The following TPO variants were observed in gnomAD, a reference collection of about 807,000 sequenced individuals.
TPO encodes thyroid microsomal antigen.
A neutral mutation model predicts 96.9 loss-of-function variants in TPO; 78 were observed. The ratio of observed to expected loss-of-function variants is 0.81; its 90% CI spans 0.67 to 0.97. The LOEUF (loss-of-function observed/expected upper bound fraction) is 0.97, where lower values mean the gene tolerates loss of function less well. TPO is among the 50% of genes least tolerant of loss of function. The pLI is 0.00. For synonymous variants in TPO, 547 were observed against 538.0 expected, an observed-to-expected ratio of 1.02 and a Z score of -0.23; for missense variants, 1,252 against 1,274.8, an observed-to-expected ratio of 0.98 and a Z score of 0.27.
intron 1 of TPO, among the ~76,000 whole-genome samples, chr2:1,405,595 C>G (rs1662239275): frequency 6.6e-6 from 1 of 152,144 alleles, no homozygotes. Flanking sequence ...TTTTATCTCC[C>G]CCAGAACATT....
At chr2:1,469,863 G>A (rs1031070394) in intron 7 of TPO, among the ~76,000 whole-genome samples, 4 of 152,146 alleles carry the variant, frequency 2.6e-5, no homozygotes, top group Admixed American at 6.5e-5. Flanking sequence ...GAGGGTCTGC[G>A]GTTTCTCTTG....
intron 15 of TPO, among the ~76,000 whole-genome samples, chr2:1,531,210 C>G (rs1309535934): frequency 8.8e-6 from 1 of 114,156 alleles, no homozygotes; most frequent in Non-Finnish European, 1.7e-5. Context: ...CTGTCTGCAA[C>G]CACCCCAAAT....
chr2:1,505,349 A>G (rs1192474034), intron 14 of TPO, among the ~76,000 whole-genome samples: 1 of 143,490 alleles, frequency 7.0e-6, no homozygotes, highest in Non-Finnish European at 1.5e-5. Flanking sequence ...AGCTTGTGTC[A>G]GGCACACACC....
chr2:1,412,590 T>G (rs917822611), upstream of TPO, among the ~76,000 whole-genome samples: 1 of 151,728 alleles, frequency 6.6e-6, no homozygotes, highest in Non-Finnish European at 1.5e-5. Flanking sequence ...AGATTAATGT[T>G]CTGAAGCCTT....
rs116040513 is a variant in TPO at position 1,484,121 on chromosome 2, A to G, written c.1339-475A>G. ...TAATTCTCCTGGGACCATGTATCAA[A>G]TCGTAATTTCCAGGCCCTGTGATTG... On this transcript the variant is annotated intron_variant, in intron 8 of 16. Transcript: ENST00000329066. 5.7e-3 allele frequency among the ~76,000 whole-genome samples: 872 copies of G among 152,340 alleles called. 7 individuals carry two copies. Among genetic ancestry groups the G allele is most frequent in the African/African-American group, 0.02 (830 of 41,568 alleles).
chr2:1,516,610 G>A (rs982985389), intron 14 of TPO, among the ~76,000 whole-genome samples: 1 of 152,178 alleles, frequency 6.6e-6, no homozygotes, highest in East Asian at 1.9e-4. Flanking sequence ...TGCAGGACGC[G>A]TCCATGCCGA....
chr2:1,378,900 G>C (rs1355346878), intron 1 of TPO, among the ~76,000 whole-genome samples: 3 of 152,104 alleles, frequency 2.0e-5, no homozygotes, highest in Admixed American at 2.0e-4. Flanking sequence ...AAGTTGTTCT[G>C]CTCCTCTCAA....
intron 15 of TPO, among the ~76,000 whole-genome samples, chr2:1,526,825 C>A (rs1676636360): frequency 7.7e-6 from 1 of 130,660 alleles, no homozygotes; most frequent in Middle Eastern, 4.4e-3. Flanking sequence ...ATCTATGCAA[C>A]CTCCCCAAAT....
chr2:1,413,537 G>C lies in TPO; in HGVS notation c.-10G>C, dbSNP rs531273408. The C allele has an allele frequency of 4.3e-5, 18 of 416,688 alleles. No homozygotes were observed. The South Asian group carries it at 1.7e-3, about 39-fold the overall frequency. The allele number at this position is 416,688 out of a possible 1,614,324, so 25.8% of individuals were successfully genotyped here. ...TCAGCAGTGCAGTTGGCTGAGAAGA[G>C]GAAAAAAGGTCAGGTTGTAAAGCTT... On this transcript the variant is annotated 5_prime_UTR_variant, in exon 1 of 17. Transcript: ENST00000329066.
chr2:1,503,797 C>A, intron 13 of TPO, 151 bp from the exon 14 acceptor site: 2 of 1,411,236 alleles, frequency 1.4e-6, no homozygotes, highest in Non-Finnish European at 2.0e-6. Flanking sequence ...GTGCCGGGAG[C>A]AGGGGGCGGC....
chr2:1,465,630 A>G (rs866166058), intron 7 of TPO, among the ~76,000 whole-genome samples: 12 of 151,738 alleles, frequency 7.9e-5, no homozygotes, highest in South Asian at 2.1e-4. Context: ...GGTTAGGTAT[A>G]TTTCTAAGTA....
chr2:1,401,630 C>G (rs1427891920), intron 1 of TPO, among the ~76,000 whole-genome samples: 1 of 152,120 alleles, frequency 6.6e-6, no homozygotes, highest in African/African-American at 2.4e-5. Flanking sequence ...CTGAGCTTCT[C>G]CCTCTGCCCA....
chr2:1,493,210 G>T lies in TPO; in HGVS notation c.1769-592G>T, dbSNP rs528877276. ...TTTGTGTGTGTGTGTGTGAGTGGGT[G>T]GGGGGGGGGGTGCTGGCTTCTGTGT... is the stretch of plus-strand genomic sequence containing the variant. On this transcript the variant is annotated intron_variant, in intron 10 of 16. Transcript: ENST00000329066. 5.8e-4 allele frequency among the ~76,000 whole-genome samples: 38 copies of T among 65,282 alleles called. 1 individual carries two copies. The highest frequency in any genetic ancestry group is 3.0e-3 in the East Asian group (7 of 2,300). 42.8% of individuals were successfully genotyped at this position (65,282 alleles called of 152,430 possible).
chr2:1,426,749 T>G (rs941000473), intron 3 of TPO, among the ~76,000 whole-genome samples: 7 of 152,360 alleles, frequency 4.6e-5, no homozygotes, highest in African/African-American at 1.7e-4. Flanking sequence ...ACATGATGGT[T>G]TGTTGGTTGG....
At chr2:1,480,365 G>A (rs545576657) in intron 8 of TPO, among the ~76,000 whole-genome samples, 30 of 151,972 alleles carry the variant, frequency 2.0e-4, no homozygotes, top group African/African-American at 6.0e-4. Flanking sequence ...ACTTCTAGCC[G>A]TATTTGAAAG....
chr2:1,386,664 C>G (rs529983024), intron 1 of TPO, among the ~76,000 whole-genome samples: 32 of 152,230 alleles, frequency 2.1e-4, no homozygotes, highest in African/African-American at 7.7e-4. Context: ...ACTCTTTATC[C>G]AATTTGCCAG....
chr2:1,477,302 G>T lies in TPO; in HGVS notation c.1036G>T (p.Ala346Ser). Residue 346 changes from alanine (A) to serine (S), a missense_variant, in exon 8 of 17, where the codon GCC becomes TCC. By Grantham distance (99) the Ala-to-Ser change is moderately conservative (BLOSUM62 1). Transcript: ENST00000329066. ...LERQLRNWTS[A>S]EGLLRVHARL... is the part of the protein sequence containing the mutation. The stretch of plus-strand genomic sequence containing the variant: ...GAGGCAGCTGCGGAACTGGACCAGT[G>T]CCGAAGGGCTGCTCCGCGTCCACGC... The T allele has an allele frequency of 6.3e-7, 1 of 1,585,776 alleles. No homozygotes were observed.
intron 5 of TPO, among the ~76,000 whole-genome samples, chr2:1,440,551 G>T (rs1666066016): frequency 6.6e-6 from 1 of 152,210 alleles, no homozygotes; most frequent in East Asian, 1.9e-4. Context: ...GAAGGGGGCA[G>T]GCTGCTTCTC....
At chr2:1,539,449 C>T (rs979802979) in intron 15 of TPO, among the ~76,000 whole-genome samples, 4 of 152,136 alleles carry the variant, frequency 2.6e-5, no homozygotes, top group Admixed American at 6.5e-5. Flanking sequence ...CTAATGACAC[C>T]GTCACAAGCA....
Sources: gnomAD v4.1 joint callset for allele counts (sites outside exome capture counted in the v4.1 genomes callset) on GRCh38, gnomAD v4.1.1 for gene constraint, MANE v1.5 for transcripts, NCBI Gene and HGNC (gene_info 2026-07-23, HGNC 2026-07-21) for gene names.